Variants in DYNC2H1 observed in about 807,000 individuals in gnomAD.
DYNC2H1 encodes dynein cytoplasmic 2 heavy chain 1, also known as cytoplasmic dynein 2 heavy chain 1.
A neutral mutation model predicts 570.0 loss-of-function variants in DYNC2H1; 410 were observed. The observed-to-expected ratio is 0.72, with a 90% CI of 0.66 to 0.78. The LOEUF (loss-of-function observed/expected upper bound fraction) is 0.78. Ranked by LOEUF, DYNC2H1 falls within the 30% of genes least tolerant of loss-of-function variation. The pLI is 0.00. For synonymous variants in DYNC2H1, 1,688 were observed against 1,677.6 expected (o/e 1.01, Z -0.15); for missense variants, 4,865 against 5,046.4 (o/e 0.96, Z 1.09).
chr11:103,282,217 G>A lies in DYNC2H1; in HGVS notation c.10800G>A (p.Met3600Ile). Residue 3600 changes from methionine to isoleucine, a missense_variant, in exon 72 of 89, where the codon ATG (methionine) becomes ATA (isoleucine). Physicochemically the swap from Met to Ile is conservative, Grantham distance 10 (BLOSUM62 1). This residue lies in a region of DYNC2H1 where 2,401 missense variants were observed against 2,454.6 expected (regional missense o/e 0.98). Coordinates refer to ENST00000375735, the MANE Select transcript of DYNC2H1 (RefSeq NM_001377.3). ...DTFTGVVVGD[M>I]LRKADSQQKI... ...TTACAGGTGTGGTTGTTGGAGACAT[G>A]TTACGGAAAGCTGTAAGTTAAAATA... 4 of 1,608,286 alleles carry A rather than the reference G, an allele frequency of 2.5e-6. No individual in the cohort carries two copies. In the East Asian group the frequency reaches 6.7e-5, roughly 27 times the overall value.
At chr11:103,238,355 G>A (rs11225616) in intron 63 of DYNC2H1, among the ~76,000 whole-genome samples, 5,204 of 152,130 alleles carry the variant, frequency 0.034, 300 homozygotes, top group African/African-American at 0.12. Context: ...GATCACTTGA[G>A]GTCAGAAGTT....
intron 85 of DYNC2H1, among the ~76,000 whole-genome samples, chr11:103,440,162 A>G (rs1372717640): frequency 6.6e-6 from 1 of 152,092 alleles, no homozygotes; most frequent in Non-Finnish European, 1.5e-5. Context: ...TGATTTCTAT[A>G]TCCAAGCCAG....
chr11:103,358,211 T>C, intron 82 of DYNC2H1, 32 bp from the exon 83 acceptor site: 1 of 1,303,890 alleles, frequency 7.7e-7, no homozygotes, highest in Non-Finnish European at 1.1e-6. Context: ...AAGTTCTTTT[T>C]ATTTGTTGAT....
At chr11:103,406,248 AAAG>A (rs1297426808) in intron 84 of DYNC2H1, 48 of 151,952 alleles carry the variant, frequency 3.2e-4, no homozygotes, top group Admixed American at 3.2e-3. Flanking sequence ...GAGATGGGTA[AAAG>A]GAGGGGTAGA....
intron 83 of DYNC2H1, among the ~76,000 whole-genome samples, chr11:103,366,561 A>G (rs1940917564): frequency 6.6e-6 from 1 of 152,190 alleles, no homozygotes; most frequent in Admixed American, 6.5e-5. Context: ...TATTTTTACC[A>G]TTCATTCTTA....
intron 82 of DYNC2H1, among the ~76,000 whole-genome samples, chr11:103,354,451 A>T (rs1220420120): frequency 6.6e-6 from 1 of 152,062 alleles, no homozygotes; most frequent in Non-Finnish European, 1.5e-5. Flanking sequence ...TCCCAACTTA[A>T]ATATGATTGT....
intron 16 of DYNC2H1, 39 bp from the exon 17 acceptor site, chr11:103,135,681 C>G: frequency 6.2e-7 from 1 of 1,605,926 alleles, no homozygotes; most frequent in Non-Finnish European, 8.5e-7. Context: ...GTATAATTTT[C>G]TAACAATTTA....
intron 75 of DYNC2H1, among the ~76,000 whole-genome samples, chr11:103,293,042 G>C (rs973312713): frequency 6.6e-6 from 1 of 152,216 alleles, no homozygotes; most frequent in Non-Finnish European, 1.5e-5. Flanking sequence ...TATACCTTCA[G>C]ATGATTTCTT....
At chr11:103,321,841 C>T (rs1238187832) in intron 81 of DYNC2H1, among the ~76,000 whole-genome samples, 2 of 151,946 alleles carry the variant, frequency 1.3e-5, no homozygotes, top group Non-Finnish European at 2.9e-5. Context: ...TTGCCATAAA[C>T]CTATCTGTGT....
At chr11:103,293,572 T>A (rs1000870129) in intron 75 of DYNC2H1, among the ~76,000 whole-genome samples, 1 of 152,134 alleles carries the variant, frequency 6.6e-6, no homozygotes, top group Admixed American at 6.5e-5. Flanking sequence ...CTTTTGAAGT[T>A]ATTTTTTAGA....
rs150076030 is a variant in DYNC2H1, at chr11:103,396,609, T to G, written c.12157-3054T>G. 3.3e-5 allele frequency among the ~76,000 whole-genome samples: 5 copies of G among 152,300 alleles called. No individual in the cohort carries two copies. In the East Asian group the frequency reaches 9.7e-4, roughly 29 times the overall value. On this transcript the variant is annotated intron_variant, in intron 83 of 88. Transcript: ENST00000375735. ...CTACTTTCATGTGTCATCCATTCAC[T>G]TAGGTCTAAAATAGTATCCCACCTA... is the stretch of plus-strand genomic sequence containing the variant.
intron 82 of DYNC2H1, among the ~76,000 whole-genome samples, chr11:103,345,403 GT>G (rs1387230328): frequency 6.6e-6 from 1 of 152,096 alleles, no homozygotes; most frequent in Non-Finnish European, 1.5e-5. Context: ...ATGTCAAATT[GT>G]TTTTAGTGGT....
intron 85 of DYNC2H1, 118 bp downstream of exon 85, chr11:103,436,150 A>G (rs950934270): frequency 2.2e-5 from 17 of 771,090 alleles, no homozygotes; most frequent in Non-Finnish European, 3.1e-5. Flanking sequence ...ATAAAACATC[A>G]TATATTCATT....
chr11:103,284,840 A>G (rs770939706), intron 73 of DYNC2H1, among the ~76,000 whole-genome samples: 5 of 152,162 alleles, frequency 3.3e-5, no homozygotes, highest in African/African-American at 4.8e-5. Flanking sequence ...TTTGTTTTCA[A>G]TGAAAATTCT....
chr11:103,186,362 G>A lies in DYNC2H1; in HGVS notation c.6754G>A (p.Asp2252Asn). The A allele has an allele frequency of 3.8e-5, 62 of 1,612,820 alleles. No individual in the cohort carries two copies. The highest frequency in any genetic ancestry group is 5.1e-5 in the Non-Finnish European group (60 of 1,179,188). ...VLKKPEDLTA[D>N]DFSNGLTLPV... ...TAAGAAGCCAGAAGACTTGACTGCT[G>A]ATGATTTCAGTAACGGCTTAACTCT... is the stretch of plus-strand genomic sequence containing the variant. The change falls in exon 42 of 89, where the codon GAT (aspartate) becomes AAT (asparagine). Residue 2252 changes from aspartate to asparagine, a missense_variant. By Grantham distance (23) the Asp-to-Asn change is conservative. Transcript: ENST00000375735. The surrounding 1 kb of genome is among the most constrained non-coding windows in gnomAD (Gnocchi z 4.5).
At chr11:103,411,323 G>T (rs1943077936) in intron 84 of DYNC2H1, among the ~76,000 whole-genome samples, 1 of 151,952 alleles carries the variant, frequency 6.6e-6, no homozygotes, top group African/African-American at 2.4e-5. Flanking sequence ...GTGTATTCAA[G>T]GTATCATATC....
intron 83 of DYNC2H1, among the ~76,000 whole-genome samples, chr11:103,388,614 C>T (rs1045514147): frequency 1.3e-5 from 2 of 152,140 alleles, no homozygotes; most frequent in Non-Finnish European, 2.9e-5. Flanking sequence ...AGTTTTTGCC[C>T]ATTCAGTATG....
chr11:103,141,839 C>G (rs1229322273), intron 17 of DYNC2H1, among the ~76,000 whole-genome samples: 1 of 152,208 alleles, frequency 6.6e-6, no homozygotes, highest in Non-Finnish European at 1.5e-5. Context: ...GGCAGGCCTC[C>G]TTGAGCTGTG....
At chr11:103,272,136 C>T (rs183212469) in intron 70 of DYNC2H1, among the ~76,000 whole-genome samples, 12 of 152,236 alleles carry the variant, frequency 7.9e-5, no homozygotes, top group Middle Eastern at 3.4e-3. Flanking sequence ...ATGTTTATTG[C>T]GGCACTACTC....
Sources: gnomAD v4.1 joint callset for allele counts (sites outside exome capture counted in the v4.1 genomes callset) on GRCh38, gnomAD v4.1.1 for gene constraint, gnomAD v4.1.1 regional missense constraint, Gnocchi (gnomAD v3.1) non-coding constraint, MANE v1.5 for transcripts, NCBI Gene and HGNC (gene_info 2026-07-23, HGNC 2026-07-21) for gene names.